CACNA1C: variants seen among roughly 807,000 people sequenced by gnomAD.
CACNA1C encodes the protein calcium voltage-gated channel subunit alpha1 C.
CACNA1C carries 30 observed loss-of-function variants against 229.0 expected under a neutral mutation model. The observed-to-expected ratio is 0.13, with a 90% confidence interval of 0.10 to 0.18. The LOEUF (loss-of-function observed/expected upper bound fraction) is 0.18, where lower values mean the gene tolerates loss of function less well. Ranked by LOEUF, CACNA1C falls within the 10% of genes least tolerant of loss-of-function variation. The pLI is 1.00. For missense variants in CACNA1C, 1,658 were observed against 2,845.0 expected, an observed-to-expected ratio of 0.58 and a Z score of 9.49; for synonymous variants, 1,114 against 1,132.5, an observed-to-expected ratio of 0.98 and a Z score of 0.33.
chr12:2,259,669 T>C (rs1257775166), intron 3 of CACNA1C, among the ~76,000 whole-genome samples: 3 of 152,252 alleles, frequency 2.0e-5, no homozygotes, highest in African/African-American at 2.4e-5. Flanking sequence ...GCTTTCTTAA[T>C]GTAATGCAGA....
At chr12:2,035,369 C>T (rs1565990539) in intron 1 of CACNA1C, among the ~76,000 whole-genome samples, 1 of 152,172 alleles carries the variant, frequency 6.6e-6, no homozygotes, top group Non-Finnish European at 1.5e-5. Flanking sequence ...TCTTGGAGCC[C>T]CTGGGTTCTG....
intron 2 of CACNA1C, among the ~76,000 whole-genome samples, chr12:2,117,980 C>T (rs1192007259): frequency 6.6e-6 from 1 of 152,224 alleles, no homozygotes; most frequent in South Asian, 2.1e-4. Context: ...GAAGGGAACT[C>T]AGCTTAAAAA....
In CACNA1C at chr12:2,004,962, C is replaced by CAA. The variant is rs542036357; in HGVS notation, c.139+33770_139+33771dup. ...GACCCTTTCAGGGGATCTGCAAGGT[C>CAA]AAAAAAAAAACAAAACCTTTTATGA... On this transcript the variant is annotated intron_variant, in intron 1 of 46. Coordinates refer to the CACNA1C transcript ENST00000682462. Among the ~76,000 whole-genome samples the CAA allele has an allele frequency of 1.3e-3, 180 of 143,694 alleles. 2 individuals are homozygous for CAA. Among genetic ancestry groups the CAA allele is most frequent in the East Asian group, 1.6e-3 (8 of 4,862 alleles). 94.3% of individuals were successfully genotyped at this position (143,694 alleles called of 152,430 possible). A position where few individuals can be genotyped will look rare whatever the true frequency, so the allele number is the denominator to read the frequency against.
chr12:2,423,094 A>G (rs572908894), intron 3 of CACNA1C, among the ~76,000 whole-genome samples: 1 of 151,472 alleles, frequency 6.6e-6, no homozygotes, highest in South Asian at 2.1e-4. Flanking sequence ...CTAGTGGGGG[A>G]TTGTGCAAGA....
intron 1 of CACNA1C, among the ~76,000 whole-genome samples, chr12:2,071,160 C>CCCTT (rs1229076331): frequency 1.5e-5 from 1 of 64,944 alleles, no homozygotes; most frequent in Non-Finnish European, 3.0e-5. Context: ...CTCCCTCCCT[C>CCCTT]CCTCCCTCCC....
chr12:2,480,659 C>T (rs2239088), intron 5 of CACNA1C, among the ~76,000 whole-genome samples: 98,322 of 152,060 alleles, frequency 0.65, 32,567 homozygotes, highest in East Asian at 0.88. Context: ...TCTGAGTCCA[C>T]CTATGAGAAA....
Position 2,601,793 on chromosome 12 carries a change from A to G in CACNA1C, c.2854-61A>G. 1.9e-6 allele frequency: 2 copies of G among 1,032,112 alleles called. No homozygotes were observed. 63.9% of individuals were successfully genotyped at this position (1,032,112 alleles called of 1,614,324 possible). The stretch of plus-strand genomic sequence containing the variant: ...TGCTGTGGGAGGAAGGGGTGGTGTG[A>G]GGGGTCTCTGGGCTAGGGCTAGGGC... On this transcript the variant is annotated intron_variant, in intron 21 of 46. Transcript: ENST00000399655. This position sits in a 1 kb window ranked among gnomAD's most constrained non-coding sequence, Gnocchi z 5.9.
rs1427596649 is a variant in CACNA1C, at chr12:2,693,421, T to C, written c.*2222T>C. The C allele has an allele frequency of 6.6e-6, 1 of 152,228 alleles. No homozygotes were observed. The highest frequency in any genetic ancestry group is 2.4e-5 in the African/African-American group (1 of 41,446). 9.4% of individuals were successfully genotyped at this position (152,228 alleles called of 1,614,324 possible). The stretch of plus-strand genomic sequence containing the variant: ...GAGGATAAAATTAAAGTCAGGCTGC[T>C]TGGAGGGAGGGGCATCCTCACTTCC... On this transcript the variant is annotated 3_prime_UTR_variant, in exon 47 of 47. Coordinates refer to ENST00000399655, the MANE Select transcript of CACNA1C (RefSeq NM_000719.7).
chr12:2,449,167 T>G, intron 4 of CACNA1C, 52 bp downstream of exon 4: 1 of 1,395,782 alleles, frequency 7.2e-7, no homozygotes, highest in Non-Finnish European at 9.5e-7. Flanking sequence ...GTTGCGGGAC[T>G]TTTCCTTAAG....
intron 1 of CACNA1C, among the ~76,000 whole-genome samples, chr12:2,070,109 A>G (rs906586971): frequency 1.3e-4 from 20 of 152,176 alleles, no homozygotes; most frequent in African/African-American, 4.3e-4. Flanking sequence ...CCAGCCTTAA[A>G]GAGCATTTCT....
chr12:2,403,787 C>T lies in CACNA1C; in HGVS notation c.478-45189C>T, dbSNP rs1011365032. Among the ~76,000 whole-genome samples the T allele has an allele frequency of 9.2e-5, 14 of 152,148 alleles. No individual in the cohort carries two copies. Among genetic ancestry groups the T allele is most frequent in the African/African-American group, 2.9e-4 (12 of 41,430 alleles). ...TCACTCAGGGGCTGCGTGGAGCACT[C>T]GGTGCCTTTCCCACCACAAGATGAC... On this transcript the variant is annotated intron_variant, in intron 3 of 46. Coordinates refer to ENST00000399655, the MANE Select transcript of CACNA1C (RefSeq NM_000719.7). The surrounding 1 kb of genome is among the most constrained non-coding windows in gnomAD (Gnocchi z 4.1).
In CACNA1C at chr12:2,677,775, C is replaced by A; in HGVS notation, c.4999C>A (p.Arg1667=). 6.2e-7 allele frequency: 1 copy of A among 1,613,908 alleles called. No individual in the cohort carries two copies. The highest frequency in any genetic ancestry group is 8.5e-7 in the Non-Finnish European group (1 of 1,179,866). Residue 1667 remains arginine, a synonymous_variant, in exon 41 of 47, where the codon CGG becomes AGG. Transcript: ENST00000399655. The surrounding 1 kb of genome is among the most constrained non-coding windows in gnomAD (Gnocchi z 7.4). ...TLHDIGPEIR[R]AISGDLTAEE... The stretch of plus-strand genomic sequence containing the variant: ...GCATGACATCGGGCCTGAGATCCGA[C>A]GGGCCATCTCTGGAGATCTCACCGC...
At chr12:2,119,755 T>C (rs2085671665) in intron 2 of CACNA1C, among the ~76,000 whole-genome samples, 1 of 152,208 alleles carries the variant, frequency 6.6e-6, no homozygotes, top group Admixed American at 6.5e-5. Context: ...CCTGCCGTAC[T>C]CTTGGGGGTC....
chr12:2,424,723 A>C (rs928018610), intron 3 of CACNA1C, among the ~76,000 whole-genome samples: 9 of 152,138 alleles, frequency 5.9e-5, no homozygotes, highest in African/African-American at 2.2e-4. Flanking sequence ...TTCCATTGTG[A>C]AGTGGCAAAG....
At chr12:2,196,575 A>G (rs971885428) in intron 3 of CACNA1C, among the ~76,000 whole-genome samples, 17 of 152,242 alleles carry the variant, frequency 1.1e-4, no homozygotes, top group African/African-American at 3.1e-4. Flanking sequence ...CTGACACACT[A>G]TATGGTTGCC....
intron 22 of CACNA1C, among the ~76,000 whole-genome samples, chr12:2,604,629 C>T (rs1242415190): frequency 2.0e-5 from 3 of 152,200 alleles, no homozygotes; most frequent in Non-Finnish European, 2.9e-5. Context: ...TTATTTAACC[C>T]TTGCAAAGAC....
intron 30 of CACNA1C, among the ~76,000 whole-genome samples, chr12:2,638,393 C>G (rs1453671146): frequency 1.3e-5 from 2 of 151,976 alleles, no homozygotes; most frequent in South Asian, 2.1e-4. Context: ...CTGGCTGGTG[C>G]GGACTGAGCT....
chr12:2,237,197 A>G (rs531500367), intron 3 of CACNA1C, among the ~76,000 whole-genome samples: 44 of 152,358 alleles, frequency 2.9e-4, no homozygotes, highest in African/African-American at 1.1e-3. Context: ...CAGTGAAAGT[A>G]TGATTTTCTG....
At position 2,467,791 on chromosome 12, in the gene CACNA1C, G is replaced by A. The variant is rs1436285028; in HGVS notation, c.757+10085G>A. Among the ~76,000 whole-genome samples, 1 of 152,096 alleles carries A rather than the reference G, an allele frequency of 6.6e-6. No homozygotes were observed. The highest frequency in any genetic ancestry group is 1.5e-5 in the Non-Finnish European group (1 of 68,020). ...TCCCCAGTTAAGCAACTCTCTTCCCGGCATCCTCCCAGGTGCCCCTGAAAG... is the reference window on the plus strand; with the variant it reads ...TCCCCAGTTAAGCAACTCTCTTCCCAGCATCCTCCCAGGTGCCCCTGAAAG... On this transcript the variant is annotated intron_variant, in intron 5 of 46. Transcript: ENST00000399655. This position sits in a 1 kb window ranked among gnomAD's most constrained non-coding sequence, Gnocchi z 4.6.
Sources: gnomAD v4.1 joint callset for allele counts (sites outside exome capture counted in the v4.1 genomes callset) on GRCh38, gnomAD v4.1.1 for gene constraint, Gnocchi (gnomAD v3.1) non-coding constraint, MANE v1.5 for transcripts, NCBI Gene and HGNC (gene_info 2026-07-23, HGNC 2026-07-21) for gene names.